Variants in CHRNB4 observed in about 807,000 individuals in gnomAD.
CHRNB4 encodes the protein cholinergic receptor nicotinic beta 4 subunit, also known as neuronal acetylcholine receptor subunit beta-4.
Under a neutral mutation model 40.4 loss-of-function variants are expected in CHRNB4, and 23 were observed. That is an observed-to-expected ratio of 0.57 (90% confidence interval 0.41 to 0.81). CHRNB4 has a LOEUF of 0.81. Among genes scored for constraint, CHRNB4 ranks in the 30% least tolerant of loss-of-function variants. The pLI is 0.00. For missense variants in CHRNB4, 568 were observed against 670.6 expected (o/e 0.85, Z 1.69); for synonymous variants, 285 against 274.4 (o/e 1.04, Z -0.38).
At chr15:78,658,028 CTTTTTTTTT>C (rs71448810) in intron 2 of CHRNB4, among the ~76,000 whole-genome samples, 2 of 90,508 alleles carry the variant, frequency 2.2e-5, no homozygotes, top group African/African-American at 8.5e-5. Flanking sequence ...TCTTGTTTCT[CTTTTTTTTT>C]TTTTTTTTTT....
Position 78,624,976 on chromosome 15 carries a change from C to G in CHRNB4, c.*157G>C, listed in dbSNP as rs2053615425. The stretch of plus-strand genomic sequence containing the variant: ...GCATTCAGAGAGGACAGCCCAGGCC[C>G]CCATCCTTGCCTGTTCCACGGCTGT... On this transcript the variant is annotated 3_prime_UTR_variant, in exon 6 of 6. Coordinates refer to ENST00000261751, the MANE Select transcript of CHRNB4 (RefSeq NM_000750.5). 1 of 1,566,382 alleles carries G rather than the reference C, an allele frequency of 6.4e-7. No individual in the cohort carries two copies.
At chr15:78,641,215 G>T, upstream of CHRNB4, 1 of 1,255,036 alleles carries the variant, frequency 8.0e-7, no homozygotes, top group Non-Finnish European at 1.0e-6. Context: ...TCGAGTGAGC[G>T]CCGGTCCTGG....
At chr15:78,643,207 C>T (rs1285374548), upstream of CHRNB4, among the ~76,000 whole-genome samples, 1 of 151,774 alleles carries the variant, frequency 6.6e-6, no homozygotes, top group East Asian at 1.9e-4. Context: ...GGTTTCATTA[C>T]AATAACGTAA....
At chr15:78,644,771 A>C (rs1201497386), upstream of CHRNB4, among the ~76,000 whole-genome samples, 2 of 152,196 alleles carry the variant, frequency 1.3e-5, no homozygotes, top group African/African-American at 2.4e-5. Flanking sequence ...AACAAATCCC[A>C]ATAGATTTTT....
chr15:78,644,110 C>T (rs370839262), upstream of CHRNB4, among the ~76,000 whole-genome samples: 6 of 150,826 alleles, frequency 4.0e-5, no homozygotes, highest in African/African-American at 1.2e-4. Flanking sequence ...TTGCAGTGAG[C>T]GGAGATTGCA....
intron 2 of CHRNB4, among the ~76,000 whole-genome samples, chr15:78,658,092 A>C (rs2054228850): frequency 7.7e-6 from 1 of 129,258 alleles, no homozygotes; most frequent in Non-Finnish European, 1.6e-5. Context: ...GTACAGTGGC[A>C]TGATCTCAGC....
At chr15:78,655,111 C>T (rs1006075097) in intron 5 of CHRNB4, among the ~76,000 whole-genome samples, 2 of 152,152 alleles carry the variant, frequency 1.3e-5, no homozygotes, top group African/African-American at 2.4e-5. Context: ...CTTTGTCATC[C>T]ACCGCTCCCT....
At chr15:78,647,524 A>T (rs1490144195) in intron 7 of CHRNB4, among the ~76,000 whole-genome samples, 1 of 151,862 alleles carries the variant, frequency 6.6e-6, no homozygotes, top group Non-Finnish European at 1.5e-5. Context: ...ATTCCTATAC[A>T]TCAATAACAA....
chr15:78,635,670 G>A (rs544056027), intron 1 of CHRNB4, 83 bp from the exon 2 acceptor site: 25 of 1,574,824 alleles, frequency 1.6e-5, no homozygotes, highest in Non-Finnish European at 2.1e-5. Context: ...AGAGCTGAGA[G>A]GGAGCACAGG....
upstream of CHRNB4, among the ~76,000 whole-genome samples, chr15:78,643,797 G>GA (rs530981948): frequency 3.5e-3 from 534 of 152,020 alleles, 1 homozygote; most frequent in African/African-American, 0.012. Context: ...CTTTAAAAAA[G>GA]AAAAAACCTA....
rs201459549 is a variant in CHRNB4 at position 78,657,034 on chromosome 15, TC to T, written c.-709+297del. On this transcript the variant is annotated intron_variant and NMD_transcript_variant, in intron 3 of 11. Transcript: ENST00000559849. ...TTCCCTCCAATTGTTTTTCTTTTCT[TC>T]TTTTTTTTTTTTGGAGACAGTTTCT... Among the ~76,000 whole-genome samples the T allele has an allele frequency of 0.011, 1,606 of 143,892 alleles. 204 individuals are homozygous for T. The East Asian group carries it at 0.3, about 27-fold the overall frequency. 94.4% of individuals were successfully genotyped at this position (143,892 alleles called of 152,430 possible). A position where few individuals can be genotyped will look rare whatever the true frequency, so the allele number is the denominator to read the frequency against.
intron 7 of CHRNB4, chr15:78,649,321 G>C (rs144567148): frequency 1.4e-5 from 6 of 430,152 alleles, no homozygotes; most frequent in Non-Finnish European, 2.8e-5. Context: ...GTGAGAATTG[G>C]AAACCACTTA....
At chr15:78,656,116 T>A (rs2054211295) in intron 4 of CHRNB4, 1 of 152,266 alleles carries the variant, frequency 6.6e-6, no homozygotes. Flanking sequence ...GGCAGCCGGA[T>A]CACTTGAGGT....
intron 5 of CHRNB4, among the ~76,000 whole-genome samples, chr15:78,625,667 C>T (rs2053635180): frequency 6.6e-6 from 1 of 152,210 alleles, no homozygotes; most frequent in Non-Finnish European, 1.5e-5. Flanking sequence ...ACCCCAAACT[C>T]ACTGCCTGAG....
In CHRNB4 at chr15:78,639,208, C is replaced by T. The variant is rs538216665; in HGVS notation, c.55+1871G>A. On this transcript the variant is annotated intron_variant, in intron 1 of 5. Coordinates refer to ENST00000261751, the MANE Select transcript of CHRNB4 (RefSeq NM_000750.5). ...AGAATCTTATTGGAAAGATTAGATTCTGCATCTGGAAAGGCAGAGTGATTT... is the reference window on the plus strand; with the variant it reads ...AGAATCTTATTGGAAAGATTAGATTTTGCATCTGGAAAGGCAGAGTGATTT... Among the ~76,000 whole-genome samples, 9 of 152,320 alleles carry T rather than the reference C, an allele frequency of 5.9e-5. No individual in the cohort carries two copies. In the East Asian group the frequency reaches 1.7e-3, roughly 29 times the overall value.
chr15:78,634,641 C>A (rs1212812628), intron 2 of CHRNB4: 2 of 449,888 alleles, frequency 4.4e-6, no homozygotes, highest in Admixed American at 2.4e-5. Flanking sequence ...GGAGGGTCAG[C>A]CCCCTTGGTG....
chr15:78,627,359 A>G (rs928598835), intron 5 of CHRNB4: 13 of 152,174 alleles, frequency 8.5e-5, no homozygotes, highest in Non-Finnish European at 1.5e-4. Context: ...CATTTCCGAT[A>G]AGCTCGCAGG....
chr15:78,637,572 G>C lies in CHRNB4; in HGVS notation c.56-1985C>G, dbSNP rs528816370. On this transcript the variant is annotated intron_variant, in intron 1 of 5. Transcript: ENST00000261751. Reference sequence around the variant, plus strand: ...GAGTCGATTACATCTTCCTGCAAGGGCCAGTTCACCTAGTTGCACCAAACC... The same window carrying C: ...GAGTCGATTACATCTTCCTGCAAGGCCCAGTTCACCTAGTTGCACCAAACC... 7.2e-5 allele frequency among the ~76,000 whole-genome samples: 11 copies of C among 152,244 alleles called. No homozygotes were observed. The South Asian group carries it at 2.3e-3, about 32-fold the overall frequency.
chr15:78,633,126 T>A (rs542824924), intron 2 of CHRNB4, among the ~76,000 whole-genome samples: 4 of 152,170 alleles, frequency 2.6e-5, no homozygotes, highest in Non-Finnish European at 4.4e-5. Context: ...TTTGGATAAG[T>A]CTTGTGTTCT....
Sources: gnomAD v4.1 joint callset for allele counts (sites outside exome capture counted in the v4.1 genomes callset) on GRCh38, gnomAD v4.1.1 for gene constraint, MANE v1.5 for transcripts, NCBI Gene and HGNC (gene_info 2026-07-23, HGNC 2026-07-21) for gene names.